Variants in KIF17 observed in about 807,000 individuals in gnomAD.
KIF17 encodes the protein kinesin family member 17.
KIF17 carries 80 observed loss-of-function variants against 96.8 expected under a neutral mutation model. The observed-to-expected ratio is 0.83, with a 90% confidence interval of 0.69 to 1.00. KIF17 has a LOEUF of 1.00. Among genes scored for constraint, KIF17 ranks in the 50% least tolerant of loss-of-function variants. The pLI, the probability that KIF17 is intolerant of heterozygous loss-of-function variation, is 0.00. For synonymous variants in KIF17, 567 were observed against 587.5 expected, an observed-to-expected ratio of 0.97 and a Z score of 0.51; for missense variants, 1,280 against 1,372.9, an observed-to-expected ratio of 0.93 and a Z score of 1.07.
chr1:20,677,478 GA>G (rs1157014359), intron 11 of KIF17, among the ~76,000 whole-genome samples: 1 of 152,114 alleles, frequency 6.6e-6, no homozygotes, highest in Non-Finnish European at 1.5e-5. Flanking sequence ...CAAGATATTG[GA>G]AACACCCCAA....
At chr1:20,661,696 C>T (rs920642547), downstream of KIF17, among the ~76,000 whole-genome samples, 2 of 152,368 alleles carry the variant, frequency 1.3e-5, no homozygotes, top group Admixed American at 1.3e-4. Flanking sequence ...TAGTCTGGAG[C>T]CCACTTCCCT....
rs373991865 is a variant in KIF17, at chr1:20,712,604, C to CTA, written c.480+848_480+849dup. ...TATCTATATATATATCTATATATAT[C>CTA]TATATATATATAATATAGATAATAT... On this transcript the variant is annotated intron_variant, in intron 3 of 14. Transcript: ENST00000400463. Among the ~76,000 whole-genome samples, 2 of 20,002 alleles carry CTA rather than the reference C, an allele frequency of 1.0e-4. 1 individual carries two copies. Among genetic ancestry groups the CTA allele is most frequent in the Non-Finnish European group, 2.3e-4 (2 of 8,542 alleles). The allele number at this position is 20,002 out of a possible 152,430, so 13.1% of individuals were successfully genotyped here.
At chr1:20,716,627 G>A (rs1163187304) in intron 1 of KIF17, among the ~76,000 whole-genome samples, 1 of 152,226 alleles carries the variant, frequency 6.6e-6, no homozygotes, top group Admixed American at 6.5e-5. Flanking sequence ...AGGCTGAGGG[G>A]TCAGCTTGAG....
At position 20,687,504 on chromosome 1, in the gene KIF17, C is replaced by T. The variant is rs2154536092; in HGVS notation, c.1822G>A (p.Gly608Arg). Residue 608 changes from glycine to arginine, a missense_variant, in exon 8 of 15, where the codon GGG (glycine) becomes AGG (arginine). Coordinates refer to ENST00000400463, the MANE Select transcript of KIF17 (RefSeq NM_001122819.3). The surrounding 1 kb of genome is among the most constrained non-coding windows in gnomAD (Gnocchi z 4.4). ...AACGGGTCCTGCAGGCCTAGTAACC[C>T]CTGCAGGGGCACCTCCTGCGGCTCC... ...QEEPQEVPLQ[G>R]LLGLQDPFAE... The T allele has an allele frequency of 1.2e-6, 2 of 1,613,472 alleles. No individual in the cohort carries two copies. Among genetic ancestry groups the T allele is most frequent in the Non-Finnish European group, 1.7e-6 (2 of 1,179,578 alleles).
chr1:20,690,140 G>T, intron 7 of KIF17, 48 bp downstream of exon 7: 1 of 1,609,220 alleles, frequency 6.2e-7, no homozygotes, highest in Non-Finnish European at 8.5e-7. Flanking sequence ...GAGGCGGAAA[G>T]GAGGCCACCT....
chr1:20,670,405 C>G lies in KIF17; in HGVS notation c.2790+16G>C. On this transcript the variant is annotated intron_variant, in intron 13 of 14. Transcript: ENST00000400463. ...CCCAGCCCCCGACACCCCACTCCCT[C>G]TCCCGCGGTCCTCACCATGTTCGGC... 6.2e-7 allele frequency: 1 copy of G among 1,612,874 alleles called. No individual in the cohort carries two copies. The highest frequency in any genetic ancestry group is 8.5e-7 in the Non-Finnish European group (1 of 1,179,714).
chr1:20,706,095 A>G (rs924734275), intron 4 of KIF17, among the ~76,000 whole-genome samples: 19 of 150,778 alleles, frequency 1.3e-4, no homozygotes, highest in Non-Finnish European at 2.1e-4. Context: ...TTTTAGAGAT[A>G]CGGTGTCCCT....
intron 6 of KIF17, among the ~76,000 whole-genome samples, chr1:20,696,829 C>A (rs1014003809): frequency 6.6e-6 from 1 of 152,166 alleles, no homozygotes; most frequent in Non-Finnish European, 1.5e-5. Flanking sequence ...TTTCTGCGGG[C>A]TTGTCTGAGC....
rs570319452 is a variant in KIF17, at chr1:20,687,362, A to G, written c.1938+26T>C. The G allele has an allele frequency of 6.1e-5, 98 of 1,611,664 alleles. No homozygotes were observed. The East Asian group carries it at 2.1e-3, about 34-fold the overall frequency. ...CAAGCTCTGCCTGCTCAGTGTTCAC[A>G]TGGCACCATGCGTGACATCAGCTAC... On this transcript the variant is annotated intron_variant, in intron 8 of 14. Transcript: ENST00000400463. The surrounding 1 kb of genome is among the most constrained non-coding windows in gnomAD (Gnocchi z 4.4).
chr1:20,717,566 C>T lies in KIF17; in HGVS notation c.141G>A (p.Glu47=). Residue 47 remains glutamate (E), a synonymous_variant, in exon 1 of 15, where the codon GAG becomes GAA. Coordinates refer to ENST00000400463, the MANE Select transcript of KIF17 (RefSeq NM_001122819.3). ...CGTCGAAGGTGAACTGCTTGGGCGGCTCGTCGGCGGCGCCCGGGTTCTGGA... is the reference window on the plus strand; with the variant it reads ...CGTCGAAGGTGAACTGCTTGGGCGGTTCGTCGGCGGCGCCCGGGTTCTGGA... The part of the protein sequence containing the change: ...CCIQNPGAAD[E]PPKQFTFDGA... The T allele has an allele frequency of 6.2e-7, 1 of 1,611,884 alleles. No homozygotes were observed.
chr1:20,683,092 A>G (rs2053861750), intron 10 of KIF17, among the ~76,000 whole-genome samples: 2 of 152,076 alleles, frequency 1.3e-5, no homozygotes, highest in Non-Finnish European at 2.9e-5. Context: ...TGTGCACTTG[A>G]CCACAGTGGC....
chr1:20,679,548 G>A (rs566901333), intron 11 of KIF17, among the ~76,000 whole-genome samples: 1 of 152,252 alleles, frequency 6.6e-6, no homozygotes, highest in East Asian at 1.9e-4. Context: ...AGATGTGGTA[G>A]AAGAGATGCT....
Position 20,664,491 on chromosome 1 carries a change from G to A in KIF17, c.*93C>T. The A allele has an allele frequency of 1.2e-6, 2 of 1,609,476 alleles. No individual in the cohort carries two copies. Among genetic ancestry groups the A allele is most frequent in the Non-Finnish European group, 1.7e-6 (2 of 1,179,054 alleles). On this transcript the variant is annotated 3_prime_UTR_variant, in exon 15 of 15. Coordinates refer to ENST00000400463, the MANE Select transcript of KIF17 (RefSeq NM_001122819.3). ...GAGCCCTCAGGCCCCGGAGCGCTGT[G>A]TGGCAGGTGGGAGGAGACCTGGTTG...
At chr1:20,683,899 C>T (rs1406434577) in intron 10 of KIF17, among the ~76,000 whole-genome samples, 1 of 151,570 alleles carries the variant, frequency 6.6e-6, no homozygotes, top group East Asian at 1.9e-4. Flanking sequence ...TTTCAGCTGT[C>T]TCCACTTCTG....
chr1:20,706,272 G>C (rs1216782057), intron 4 of KIF17, among the ~76,000 whole-genome samples: 1 of 151,532 alleles, frequency 6.6e-6, no homozygotes. Context: ...CAGCGCATTC[G>C]TAGCCAGCTG....
At chr1:20,671,334 T>C (rs1048300114) in intron 12 of KIF17, among the ~76,000 whole-genome samples, 8 of 152,160 alleles carry the variant, frequency 5.3e-5, no homozygotes, top group Admixed American at 2.6e-4. Flanking sequence ...TTTTTGTTTT[T>C]TCGGGGTTTG....
intron 13 of KIF17, among the ~76,000 whole-genome samples, chr1:20,669,822 C>T (rs1465981329): frequency 4.6e-5 from 6 of 129,208 alleles, no homozygotes; most frequent in African/African-American, 1.8e-4. Context: ...GCCAAGATCG[C>T]ACCACTGCAC....
chr1:20,704,578 C>A lies in KIF17; in HGVS notation c.992G>T (p.Arg331Leu). The change falls in exon 5 of 15, where the codon CGG (arginine) becomes CTG (leucine). Residue 331 changes from arginine to leucine, a missense_variant. Transcript: ENST00000400463. This position sits in a 1 kb window ranked among gnomAD's most constrained non-coding sequence, Gnocchi z 6.8. ...ETLSTLRYAN[R>L]AKNIRNKPRI... Reference sequence around the variant, plus strand: ...CGGCTTGTTCCTGATGTTCTTGGCCCGGTTGGCGTAGCGCAGCGTGCTGAG... The same window carrying A: ...CGGCTTGTTCCTGATGTTCTTGGCCAGGTTGGCGTAGCGCAGCGTGCTGAG... 1.9e-6 allele frequency: 3 copies of A among 1,614,182 alleles called. No homozygotes were observed. In the South Asian group the frequency reaches 3.3e-5, roughly 18 times the overall value.
chr1:20,690,257 T>C lies in KIF17; in HGVS notation c.1312A>G (p.Ile438Val). The change falls in exon 7 of 15, where the codon ATC (isoleucine) becomes GTC (valine). Residue 438 changes from isoleucine to valine, a missense_variant. Physicochemically the swap from Ile to Val is conservative, Grantham distance 29 (BLOSUM62 3). Coordinates refer to ENST00000400463, the MANE Select transcript of KIF17 (RefSeq NM_001122819.3). ...QESRARLEED[I>V]TAMRNSYDVR... ...TCATATGAGTTGCGCATGGCAGTGA[T>C]GTCTTCCTCCAGCCTGGCCCGAGAC... The C allele has an allele frequency of 6.2e-7, 1 of 1,607,514 alleles. No individual in the cohort carries two copies. Among genetic ancestry groups the C allele is most frequent in the East Asian group, 2.3e-5 (1 of 44,390 alleles).
Sources: allele counts gnomAD v4.1 joint callset (sites outside exome capture counted in the v4.1 genomes callset), GRCh38; gene constraint gnomAD v4.1.1; non-coding constraint Gnocchi (gnomAD v3.1); transcripts MANE v1.5; gene names NCBI Gene and HGNC (gene_info 2026-07-23, HGNC 2026-07-21).